Variants in TYW1B observed in about 807,000 individuals in gnomAD.
TYW1B encodes the protein tRNA-yW synthesizing protein 1 homolog B.
TYW1B carries 73 observed loss-of-function variants against 86.9 expected under a neutral mutation model. The observed-to-expected ratio is 0.84, with a 90% CI of 0.70 to 1.02. The LOEUF is 1.02. Ranked by LOEUF, TYW1B falls within the 50% of genes least tolerant of loss-of-function variation. The probability of loss-of-function intolerance (pLI) is 0.00; values close to 1 mark genes in which losing one functional copy is unlikely to be tolerated. For missense variants in TYW1B, 637 were observed against 827.4 expected, an observed-to-expected ratio of 0.77 and a Z score of 2.82; for synonymous variants, 248 against 292.8, an observed-to-expected ratio of 0.85 and a Z score of 1.56.
At chr7:72,764,345 C>T (rs782282044) in intron 7 of TYW1B, among the ~76,000 whole-genome samples, 4 of 152,110 alleles carry the variant, frequency 2.6e-5, no homozygotes, top group Non-Finnish European at 4.4e-5. Context: ...TGCAGTGGGG[C>T]GATCTCGGCT....
chr7:72,737,291 A>C (rs1225308612), intron 8 of TYW1B, among the ~76,000 whole-genome samples: 4 of 152,258 alleles, frequency 2.6e-5, no homozygotes, highest in Non-Finnish European at 5.9e-5. Context: ...TTAAAAGCTC[A>C]CATATTAGTC....
chr7:72,602,711 T>C lies in TYW1B; in HGVS notation c.1785+13961A>G, dbSNP rs138093002. ...CAGCATACATACAGTTTCCACTGAA[T>C]TTGTATCGCTTTCACACTATCATAA... is the stretch of plus-strand genomic sequence containing the variant. On this transcript the variant is annotated intron_variant, in intron 13 of 13. Coordinates refer to ENST00000620995, the MANE Select transcript of TYW1B (RefSeq NM_001145440.3). Among the ~76,000 whole-genome samples the C allele has an allele frequency of 6.5e-3, 986 of 152,258 alleles. 8 individuals carry two copies. The highest frequency in any genetic ancestry group is 0.02 in the African/African-American group (846 of 41,552).
At position 72,653,726 on chromosome 7, in the gene TYW1B, A is replaced by C. The variant is rs573001703; in HGVS notation, c.1507-24729T>G. Among the ~76,000 whole-genome samples the C allele has an allele frequency of 1.4e-3, 208 of 152,254 alleles. 2 individuals carry two copies. The highest frequency in any genetic ancestry group is 4.9e-3 in the African/African-American group (204 of 41,548). ...CATTGGCAGGCTAGTACAGAAAAAT[A>C]ATATGATCATATCAATTGACAATGA... On this transcript the variant is annotated intron_variant, in intron 11 of 13. Transcript: ENST00000620995.
chr7:72,711,540 G>A (rs1786669311), intron 10 of TYW1B, among the ~76,000 whole-genome samples: 1 of 114,690 alleles, frequency 8.7e-6, no homozygotes, highest in Admixed American at 1.3e-4. Context: ...CGTGATCTTG[G>A]CTCACTCCAA....
At chr7:72,576,744 C>A (rs1811031201) in intron 13 of TYW1B, among the ~76,000 whole-genome samples, 1 of 152,014 alleles carries the variant, frequency 6.6e-6, no homozygotes, top group Admixed American at 6.5e-5. Flanking sequence ...GATCTCCTAA[C>A]CTCGTGATCC....
intron 10 of TYW1B, among the ~76,000 whole-genome samples, chr7:72,709,253 CT>C (rs201924658): frequency 0.014 from 2,088 of 152,292 alleles, 62 homozygotes; most frequent in African/African-American, 0.048. Flanking sequence ...AGAATGGCTA[CT>C]TTCTACATAT....
intron 6 of TYW1B, 71 bp downstream of exon 6, chr7:72,802,329 C>G (rs1327892498): frequency 5.0e-6 from 8 of 1,586,598 alleles, no homozygotes; most frequent in Middle Eastern, 1.7e-4. Context: ...ATGGACTACA[C>G]AGTAATAAAG....
chr7:72,734,275 CA>C (rs1166647634), intron 8 of TYW1B, among the ~76,000 whole-genome samples: 1 of 49,886 alleles, frequency 2.0e-5, no homozygotes, highest in African/African-American at 5.9e-5. Context: ...AAAAACACAA[CA>C]AAAAAACTAT....
intron 9 of TYW1B, among the ~76,000 whole-genome samples, chr7:72,721,860 A>G (rs1352695863): frequency 2.0e-5 from 3 of 152,204 alleles, no homozygotes; most frequent in Non-Finnish European, 1.5e-5. Flanking sequence ...AGCGGACTTC[A>G]TCTCATTGAA....
intron 5 of TYW1B, among the ~76,000 whole-genome samples, chr7:72,803,881 T>A (rs1585996064): frequency 6.6e-6 from 1 of 151,982 alleles, no homozygotes; most frequent in African/African-American, 2.4e-5. Context: ...CCCAAATTGC[T>A]GGGGTTACAA....
At chr7:72,603,092 TGATGGATGGATGGATGGATG>T (rs61589472) in intron 13 of TYW1B, among the ~76,000 whole-genome samples, 7 of 147,000 alleles carry the variant, frequency 4.8e-5, no homozygotes, top group South Asian at 2.1e-4. Context: ...GACAGACAGA[TGATGGATGGATGGATGGATG>T]GATGGATGGA....
At chr7:72,599,211 G>A (rs1331472073) in intron 13 of TYW1B, among the ~76,000 whole-genome samples, 1 of 152,102 alleles carries the variant, frequency 6.6e-6, no homozygotes, top group Admixed American at 6.6e-5. Context: ...CTTATTCCAG[G>A]TATGGAAGAC....
chr7:72,766,365 C>CAG (rs1554468340), intron 7 of TYW1B, among the ~76,000 whole-genome samples: 3 of 151,908 alleles, frequency 2.0e-5, no homozygotes, highest in African/African-American at 2.4e-5. Flanking sequence ...CCTATAATCC[C>CAG]ACCTTTGGGA....
chr7:72,827,246 A>G (rs1211477360), intron 1 of TYW1B, among the ~76,000 whole-genome samples: 8 of 151,978 alleles, frequency 5.3e-5, no homozygotes, highest in Non-Finnish European at 7.4e-5. Context: ...CGCCTCTACT[A>G]AAAATACAAA....
intron 11 of TYW1B, among the ~76,000 whole-genome samples, chr7:72,681,676 G>A (rs557757942): frequency 8.3e-5 from 12 of 144,300 alleles, no homozygotes; most frequent in Non-Finnish European, 1.6e-4. Context: ...CTCACTGCAA[G>A]CTCCACCTCC....
At chr7:72,743,860 GAAAGA>G (rs1787348596) in intron 8 of TYW1B, among the ~76,000 whole-genome samples, 2 of 145,138 alleles carry the variant, frequency 1.4e-5, no homozygotes, top group African/African-American at 2.6e-5. Flanking sequence ...AAAAAAAAAA[GAAAGA>G]AAAGAAAAAG....
chr7:72,808,816 T>C (rs1296832703), intron 4 of TYW1B, among the ~76,000 whole-genome samples: 2 of 151,750 alleles, frequency 1.3e-5, no homozygotes, highest in Admixed American at 6.6e-5. Context: ...CTTGTGCCAC[T>C]GCACCCGGCC....
intron 12 of TYW1B, among the ~76,000 whole-genome samples, chr7:72,620,403 A>T (rs1244349456): frequency 1.3e-5 from 2 of 152,154 alleles, no homozygotes; most frequent in African/African-American, 4.8e-5. Context: ...TCTCAAAACA[A>T]AACAAAACAA....
At chr7:72,602,833 A>AACACACACACACACACACAC (rs55709140) in intron 13 of TYW1B, among the ~76,000 whole-genome samples, 40 of 128,112 alleles carry the variant, frequency 3.1e-4, no homozygotes, top group East Asian at 7.9e-4. Flanking sequence ...AAGTGCTCAA[A>AACACACACACACACACACAC]ACACACACAC....
Sources: allele counts gnomAD v4.1 joint callset (sites outside exome capture counted in the v4.1 genomes callset), GRCh38; gene constraint gnomAD v4.1.1; transcripts MANE v1.5; gene names NCBI Gene and HGNC (gene_info 2026-07-23, HGNC 2026-07-21).